Variants in TTLL7 observed in about 807,000 individuals in gnomAD.
TTLL7 encodes the protein tubulin polyglutamylase TTLL7.
Under a neutral mutation model 120.2 loss-of-function variants are expected in TTLL7, and 53 were observed. The ratio of observed to expected loss-of-function variants is 0.44; its 90% CI spans 0.35 to 0.55. The LOEUF (loss-of-function observed/expected upper bound fraction) is 0.55, where lower values mean the gene tolerates loss of function less well. Among genes scored for constraint, TTLL7 ranks in the 20% least tolerant of loss-of-function variants. The probability of loss-of-function intolerance (pLI) is 0.00; values close to 1 mark genes in which losing one functional copy is unlikely to be tolerated. For synonymous variants in TTLL7, 353 were observed against 351.7 expected (o/e 1.00, Z -0.04); for missense variants, 803 against 1,054.7 (o/e 0.76, Z 3.31).
chr1:83,951,816 A>C, intron 3 of TTLL7, 29 bp downstream of exon 3: 1 of 1,581,832 alleles, frequency 6.3e-7, no homozygotes, highest in Non-Finnish European at 8.6e-7. Flanking sequence ...AATTATGAGA[A>C]TCCCATGATT....
chr1:83,890,818 C>T (rs1655401563), intron 18 of TTLL7, among the ~76,000 whole-genome samples: 1 of 152,064 alleles, frequency 6.6e-6, no homozygotes, highest in South Asian at 2.1e-4. Context: ...TAGGCCCATG[C>T]ATTTATGAAA....
At chr1:83,941,736 CT>C (rs1277138232) in intron 7 of TTLL7, among the ~76,000 whole-genome samples, 1 of 152,092 alleles carries the variant, frequency 6.6e-6, no homozygotes, top group African/African-American at 2.4e-5. Context: ...TATAATTTAA[CT>C]TTCATAAGCT....
At chr1:83,881,216 G>C (rs1010792187) in intron 20 of TTLL7, among the ~76,000 whole-genome samples, 1 of 151,608 alleles carries the variant, frequency 6.6e-6, no homozygotes. Flanking sequence ...AAAAGCAATG[G>C]CAAAAAAAGC....
intron 5 of TTLL7, among the ~76,000 whole-genome samples, chr1:83,948,013 A>G (rs1648676963): frequency 1.3e-5 from 2 of 152,132 alleles, no homozygotes; most frequent in African/African-American, 4.8e-5. Context: ...CAGCTTTTCC[A>G]TGAAAGTAGA....
chr1:83,929,029 AAATAT>A (rs1236072058), intron 10 of TTLL7, 102 bp downstream of exon 10: 2 of 465,162 alleles, frequency 4.3e-6, no homozygotes, highest in Non-Finnish European at 7.2e-6. Flanking sequence ...GAAAATTATA[AAATAT>A]AAAAATAAAT....
chr1:83,923,316 G>T (rs1384922069), intron 10 of TTLL7, among the ~76,000 whole-genome samples: 1 of 147,962 alleles, frequency 6.8e-6, no homozygotes, highest in African/African-American at 2.5e-5. Flanking sequence ...AAAGAAAATA[G>T]AAATGAAAAG....
At chr1:83,899,566 G>A (rs1656538696) in intron 18 of TTLL7, among the ~76,000 whole-genome samples, 1 of 151,932 alleles carries the variant, frequency 6.6e-6, no homozygotes, top group Non-Finnish European at 1.5e-5. Context: ...ATTGTCTATA[G>A]AATTGTCTAT....
intron 8 of TTLL7, among the ~76,000 whole-genome samples, chr1:83,935,992 A>G (rs1184128104): frequency 6.6e-6 from 1 of 152,202 alleles, no homozygotes; most frequent in East Asian, 1.9e-4. Context: ...ATTAATATGC[A>G]TTCTAACTAA....
At chr1:83,976,880 C>CA (rs138814535) in intron 1 of TTLL7, among the ~76,000 whole-genome samples, 10 of 146,762 alleles carry the variant, frequency 6.8e-5, no homozygotes, top group Middle Eastern at 3.5e-3. Flanking sequence ...AAAATTTTTA[C>CA]AAAAAAAAAA....
intron 9 of TTLL7, 38 bp downstream of exon 9, chr1:83,933,570 C>G (rs1659777447): frequency 6.3e-7 from 1 of 1,594,022 alleles, no homozygotes; most frequent in African/African-American, 1.4e-5. Context: ...TACGTAAGGA[C>G]AGTGATAACT....
chr1:83,960,318 G>A (rs965222935), intron 1 of TTLL7, among the ~76,000 whole-genome samples: 1 of 152,186 alleles, frequency 6.6e-6, no homozygotes, highest in African/African-American at 2.4e-5. Flanking sequence ...TGTGGGGGCA[G>A]TAGTGGAGAC....
At chr1:83,887,338 A>C in intron 19 of TTLL7, 1 of 730,430 alleles carries the variant, frequency 1.4e-6, no homozygotes, top group Non-Finnish European at 2.0e-6. Context: ...AACTGAGAAG[A>C]GTAGATTTTC....
chr1:83,910,943 T>C (rs763931898), intron 15 of TTLL7, among the ~76,000 whole-genome samples: 1 of 152,004 alleles, frequency 6.6e-6, no homozygotes, highest in African/African-American at 2.4e-5. Flanking sequence ...CGATGAAATA[T>C]AGAATAGATC....
chr1:83,904,289 G>T (rs907632948), intron 17 of TTLL7, 130 bp from the exon 18 acceptor site: 4 of 646,722 alleles, frequency 6.2e-6, no homozygotes, highest in Non-Finnish European at 1.0e-5. Context: ...CATGTGCAAA[G>T]ATTTCTAATA....
At chr1:83,958,470 G>C (rs570985517) in intron 1 of TTLL7, among the ~76,000 whole-genome samples, 22 of 152,274 alleles carry the variant, frequency 1.4e-4, no homozygotes, top group African/African-American at 5.3e-4. Context: ...TATTTGCAGA[G>C]AGGTCATTAC....
At chr1:83,872,912 C>G (rs1201125852) in intron 20 of TTLL7, among the ~76,000 whole-genome samples, 1 of 152,140 alleles carries the variant, frequency 6.6e-6, no homozygotes, top group Admixed American at 6.5e-5. Flanking sequence ...ATGCCTTGCT[C>G]AGGGTCTCCT....
chr1:83,997,481 T>C (rs1653591782), intron 1 of TTLL7, among the ~76,000 whole-genome samples: 1 of 152,198 alleles, frequency 6.6e-6, no homozygotes, highest in Non-Finnish European at 1.5e-5. Context: ...TTTCCCACTA[T>C]ATAAGAACTA....
intron 1 of TTLL7, among the ~76,000 whole-genome samples, chr1:83,987,357 G>C (rs2100632048): frequency 6.6e-6 from 1 of 152,156 alleles, no homozygotes; most frequent in Non-Finnish European, 1.5e-5. Flanking sequence ...ATTGAAAGAA[G>C]CAACGCAGTG....
intron 12 of TTLL7, 21 bp downstream of exon 12, chr1:83,921,066 C>T: frequency 6.3e-7 from 1 of 1,595,152 alleles, no homozygotes; most frequent in Non-Finnish European, 8.5e-7. Context: ...TCAATCTATA[C>T]AAAAATAGCA....
Sources: allele counts gnomAD v4.1 joint callset (sites outside exome capture counted in the v4.1 genomes callset), GRCh38; gene constraint gnomAD v4.1.1; transcripts MANE v1.5; gene names NCBI Gene and HGNC (gene_info 2026-07-23, HGNC 2026-07-21).